The following INO80D variants were observed in gnomAD, a reference collection of about 807,000 sequenced individuals.
INO80D encodes the protein INO80 complex subunit D.
A neutral mutation model predicts 87.6 loss-of-function variants in INO80D; 21 were observed. The observed-to-expected ratio is 0.24, with a 90% CI of 0.17 to 0.35. The LOEUF (loss-of-function observed/expected upper bound fraction) is 0.35. Ranked by LOEUF, INO80D falls within the 10% of genes least tolerant of loss-of-function variation. The pLI, the probability that INO80D is intolerant of heterozygous loss-of-function variation, is 1.00. For missense variants in INO80D, 982 were observed against 1,280.7 expected, an observed-to-expected ratio of 0.77 and a Z score of 3.56; for synonymous variants, 440 against 491.0, an observed-to-expected ratio of 0.90 and a Z score of 1.37.
chr2:206,076,305 T>C (rs191616924), intron 1 of INO80D, among the ~76,000 whole-genome samples: 1 of 152,326 alleles, frequency 6.6e-6, no homozygotes, highest in East Asian at 1.9e-4. Context: ...AAAGAGTGGA[T>C]ACTGTTAAAA....
At chr2:206,058,737 A>G (rs1689601496) in intron 3 of INO80D, among the ~76,000 whole-genome samples, 1 of 152,166 alleles carries the variant, frequency 6.6e-6, no homozygotes, top group South Asian at 2.1e-4. Context: ...CGTCTCAAAA[A>G]ACAAACAACA....
intron 8 of INO80D, among the ~76,000 whole-genome samples, chr2:206,015,404 A>G (rs2080565): frequency 0.3 from 44,958 of 152,036 alleles, 7,195 homozygotes; most frequent in Admixed American, 0.36. Flanking sequence ...GTGCAGCCTA[A>G]GGACTTGGTA....
chr2:206,057,073 A>T (rs577809433), intron 3 of INO80D, 130 bp from the exon 4 acceptor site: 5 of 839,838 alleles, frequency 6.0e-6, no homozygotes, highest in Non-Finnish European at 9.0e-6. Context: ...CCAGCAACTT[A>T]ACATGCAAAC....
rs1315597888 is a variant in INO80D at position 206,004,756 on chromosome 2, T to C, written c.2696A>G (p.Asp899Gly). 1.2e-5 allele frequency: 20 copies of C among 1,612,732 alleles called. No homozygotes were observed. Among genetic ancestry groups the C allele is most frequent in the Non-Finnish European group, 1.7e-5 (20 of 1,179,562 alleles). Residue 899 changes from aspartate to glycine, a missense_variant, in exon 11 of 11, where the codon GAC becomes GGC. By Grantham distance (94) the Asp-to-Gly change is moderately conservative. Transcript: ENST00000403263. This position sits in a 1 kb window ranked among gnomAD's most constrained non-coding sequence, Gnocchi z 4.9. ...GAGAAGGTTGCTAAATGGAGAGGGGTCTCCAAGGTTGACAGGGAGATTGCC... is the reference window on the plus strand; with the variant it reads ...GAGAAGGTTGCTAAATGGAGAGGGGCCTCCAAGGTTGACAGGGAGATTGCC... The part of the protein sequence containing the change: ...HWGNLPVNLG[D>G]PSPFSNLLGA...
chr2:206,028,163 A>AT lies in INO80D; in HGVS notation c.1245dup (p.Cys416MetfsTer39), dbSNP rs1348051315. ...AGTTCTTGTATTAACTGACCAGTGC[A>AT]TTCTGGTTCTTTACTGGCCGCCTGC... is the stretch of plus-strand genomic sequence containing the variant. On this transcript the variant is annotated frameshift_variant, in exon 6 of 11. Transcript: ENST00000403263. LOFTEE classifies it high-confidence loss of function. 1 of 1,579,370 alleles carries AT rather than the reference A, an allele frequency of 6.3e-7. No homozygotes were observed. Among genetic ancestry groups the AT allele is most frequent in the African/African-American group, 1.3e-5 (1 of 74,148 alleles).
rs1688001042 is a variant in INO80D, at chr2:206,005,508, A to T, written c.1944T>A (p.Thr648=). Residue 648 remains threonine, a synonymous_variant, in exon 11 of 11, where the codon ACT becomes ACA. Transcript: ENST00000403263. ...GTTCAAGCTCCTCAGCCTCTTCGGT[A>T]GTTGGGAGGAGGTCTCCATTCTTCC... The part of the protein sequence containing the change: ...FEGKNGDLLP[T]TEEAEELERA... 6.2e-7 allele frequency: 1 copy of T among 1,612,478 alleles called. No individual in the cohort carries two copies. Among genetic ancestry groups the T allele is most frequent in the East Asian group, 2.2e-5 (1 of 44,896 alleles).
At chr2:206,006,418 C>T (rs554785345) in intron 10 of INO80D, among the ~76,000 whole-genome samples, 3 of 152,256 alleles carry the variant, frequency 2.0e-5, no homozygotes, top group South Asian at 2.1e-4. Context: ...CGCGGTGGCT[C>T]GTGCTTGTAA....
In INO80D at chr2:206,053,410, G is replaced by A. The variant is rs886595541; in HGVS notation, c.964+2788C>T. ...AGTAAGAGCCCAATTTTATATATTA[G>A]AAAGAATATATCAAGGTATTAACAA... On this transcript the variant is annotated intron_variant, in intron 4 of 10. Coordinates refer to ENST00000403263, the MANE Select transcript of INO80D (RefSeq NM_017759.5). Among the ~76,000 whole-genome samples the A allele has an allele frequency of 5.3e-5, 8 of 152,126 alleles. 1 individual carries two copies. The highest frequency in any genetic ancestry group is 1.9e-4 in the African/African-American group (8 of 41,430).
In INO80D at chr2:206,001,800, T is replaced by G. The variant is rs1480146195; in HGVS notation, c.*2568A>C. 6.6e-6 allele frequency: 1 copy of G among 152,242 alleles called. No homozygotes were observed. Among genetic ancestry groups the G allele is most frequent in the Non-Finnish European group, 1.5e-5 (1 of 68,038 alleles). 9.4% of individuals were successfully genotyped at this position (152,242 alleles called of 1,614,324 possible). On this transcript the variant is annotated 3_prime_UTR_variant, in exon 11 of 11. Coordinates refer to ENST00000403263, the MANE Select transcript of INO80D (RefSeq NM_017759.5). ...TTGTTGTTGATAATTCCTCAACCAC[T>G]TTCCTCAGCTTTCATCATGGGCATC...
intron 1 of INO80D, among the ~76,000 whole-genome samples, chr2:206,073,490 T>A (rs1457081851): frequency 6.6e-6 from 1 of 152,104 alleles, no homozygotes; most frequent in African/African-American, 2.4e-5. Flanking sequence ...ATAAATACTA[T>A]CGCATTTTCT....
At chr2:206,071,202 G>C (rs911724174) in intron 1 of INO80D, among the ~76,000 whole-genome samples, 2 of 137,026 alleles carry the variant, frequency 1.5e-5, no homozygotes, top group African/African-American at 5.3e-5. Flanking sequence ...CAGGTGATCC[G>C]CCTGCCTCAG....
At position 206,085,355 on chromosome 2, in the gene INO80D, A is replaced by AG. The variant is rs1690416846; in HGVS notation, c.-124+545dup. Among the ~76,000 whole-genome samples the AG allele has an allele frequency of 2.0e-5, 3 of 151,508 alleles. No individual in the cohort carries two copies. The South Asian group carries it at 6.2e-4, about 31-fold the overall frequency. On this transcript the variant is annotated intron_variant, in intron 1 of 10. Transcript: ENST00000403263. This position sits in a 1 kb window ranked among gnomAD's most constrained non-coding sequence, Gnocchi z 4.5. ...GGCCGTCTGCGAGAGACCCGGGGGA[A>AG]GGGGAGCCGGGCGCCCATTCCCCAC...
chr2:206,031,307 A>G (rs1314466520), intron 5 of INO80D, among the ~76,000 whole-genome samples: 2 of 152,230 alleles, frequency 1.3e-5, no homozygotes, highest in African/African-American at 4.8e-5. Context: ...TAAGTGAACT[A>G]ACTCACTTTG....
intron 1 of INO80D, among the ~76,000 whole-genome samples, chr2:206,083,975 A>G (rs868556192): frequency 6.6e-6 from 1 of 151,932 alleles, no homozygotes; most frequent in Non-Finnish European, 1.5e-5. Context: ...TAACATTTCA[A>G]TGTCAACACT....
At chr2:206,046,897 C>T (rs1312872543) in intron 4 of INO80D, among the ~76,000 whole-genome samples, 5 of 152,202 alleles carry the variant, frequency 3.3e-5, no homozygotes, top group African/African-American at 9.6e-5. Flanking sequence ...TCTCCTGTCT[C>T]GGCCTCCCGA....
intron 6 of INO80D, among the ~76,000 whole-genome samples, chr2:206,023,286 T>C (rs1302758596): frequency 1.3e-5 from 2 of 152,156 alleles, no homozygotes; most frequent in Non-Finnish European, 1.5e-5. Flanking sequence ...GTCAAACTTT[T>C]ATGTATCTTT....
At chr2:206,057,977 T>C (rs994544063) in intron 3 of INO80D, among the ~76,000 whole-genome samples, 1 of 152,148 alleles carries the variant, frequency 6.6e-6, no homozygotes, top group Non-Finnish European at 1.5e-5. Context: ...CATATCTCTG[T>C]TTTTCCAGAA....
chr2:206,057,368 T>G (rs889776201), intron 3 of INO80D, among the ~76,000 whole-genome samples: 2 of 152,208 alleles, frequency 1.3e-5, no homozygotes, highest in African/African-American at 4.8e-5. Context: ...AAAGCTCTTA[T>G]GACATAAAAC....
rs549390909 is a variant in INO80D at position 206,025,000 on chromosome 2, C to T, written c.1298+3111G>A. The stretch of plus-strand genomic sequence containing the variant: ...CGAACTCCTGACCTCATGATCCGCC[C>T]ACCTCGGCCTCCCAAATCATGCTGG... On this transcript the variant is annotated intron_variant, in intron 6 of 10. Transcript: ENST00000403263. 3.9e-5 allele frequency among the ~76,000 whole-genome samples: 6 copies of T among 152,136 alleles called. No homozygotes were observed. In the South Asian group the frequency reaches 1.2e-3, roughly 32 times the overall value.
Sources: gnomAD v4.1 joint callset for allele counts (sites outside exome capture counted in the v4.1 genomes callset) on GRCh38, gnomAD v4.1.1 for gene constraint, Gnocchi (gnomAD v3.1) non-coding constraint, MANE v1.5 for transcripts, NCBI Gene and HGNC (gene_info 2026-07-23, HGNC 2026-07-21) for gene names.